Variants in CARD6 observed in about 807,000 individuals in gnomAD.
The protein encoded by CARD6 is caspase recruitment domain-containing protein 6.
Under a neutral mutation model 23.6 loss-of-function variants are expected in CARD6, and 27 were observed. The observed-to-expected ratio is 1.14, with a 90% CI of 0.84 to 1.58. CARD6 has a LOEUF of 1.58. Ranked by LOEUF, CARD6 falls within the 40% of genes most tolerant of loss-of-function variation. CARD6 has a pLI of 0.00. For missense variants in CARD6, 1,214 were observed against 1,209.9 expected, an observed-to-expected ratio of 1.00 and a Z score of -0.05; for synonymous variants, 397 against 431.8, an observed-to-expected ratio of 0.92 and a Z score of 1.00.
At chr5:40,847,500 T>TA (rs1745986135) in intron 2 of CARD6, among the ~76,000 whole-genome samples, 1 of 152,226 alleles carries the variant, frequency 6.6e-6, no homozygotes, top group African/African-American at 2.4e-5. Flanking sequence ...AAAATTTATT[T>TA]ATTTTTTCTC....
chr5:40,849,053 A>G (rs908569441), intron 2 of CARD6, among the ~76,000 whole-genome samples: 2 of 151,844 alleles, frequency 1.3e-5, no homozygotes, highest in Admixed American at 6.6e-5. Flanking sequence ...CAGGGCCACA[A>G]TCTTGGCTCA....
Position 40,841,427 on chromosome 5 carries a change from A to G in CARD6, c.45A>G (p.Arg15=). The G allele has an allele frequency of 6.2e-7, 1 of 1,612,824 alleles. No homozygotes were observed. Among genetic ancestry groups the G allele is most frequent in the Non-Finnish European group, 8.5e-7 (1 of 1,179,562 alleles). ...CCTCAGAGATCATAGAAAGAGAAAGAAAAAAGTTGCTTGAAATCCTTCAAC... is the reference window on the plus strand; with the variant it reads ...CCTCAGAGATCATAGAAAGAGAAAGGAAAAAGTTGCTTGAAATCCTTCAAC... ...STPSEIIERE[R]KKLLEILQHD... is the part of the protein sequence containing the mutation. The change falls in exon 1 of 3, where the codon AGA becomes AGG. Residue 15 remains arginine, a synonymous_variant. Transcript: ENST00000254691.
At position 40,853,986 on chromosome 5, in the gene CARD6, T is replaced by G; in HGVS notation, c.2654T>G (p.Leu885Arg). The G allele has an allele frequency of 1.2e-6, 2 of 1,614,182 alleles. No homozygotes were observed. The highest frequency in any genetic ancestry group is 3.3e-5 in the Admixed American group (2 of 60,026). Reference protein sequence around the residue: ...VTELTEATGKLIRTSHIGKPH... With the variant: ...VTELTEATGKRIRTSHIGKPH... ...GAGTTAACTGAAGCAACTGGAAAAC[T>G]GATAAGAACATCCCATATTGGAAAG... is the stretch of plus-strand genomic sequence containing the variant. The change falls in exon 3 of 3, where the codon CTG (leucine) becomes CGG (arginine). Residue 885 changes from leucine to arginine, a missense_variant. Transcript: ENST00000254691.
Position 40,853,415 on chromosome 5 carries a change from A to G in CARD6, c.2083A>G (p.Lys695Glu). 3.1e-6 allele frequency: 5 copies of G among 1,614,168 alleles called. No homozygotes were observed. Among genetic ancestry groups the G allele is most frequent in the Non-Finnish European group, 4.2e-6 (5 of 1,180,028 alleles). ...QRHSQLKSSS[K>E]SQALMPIQEP... is the part of the protein sequence containing the mutation. ...ACACAGTCAGCTAAAAAGCTCATCT[A>G]AAAGCCAGGCTCTAATGCCAATTCA... The change falls in exon 3 of 3, where the codon AAA becomes GAA. Residue 695 changes from lysine to glutamate, a missense_variant. Coordinates refer to ENST00000254691, the MANE Select transcript of CARD6 (RefSeq NM_032587.4).
At chr5:40,847,666 C>T (rs144708876) in intron 2 of CARD6, among the ~76,000 whole-genome samples, 19 of 152,198 alleles carry the variant, frequency 1.2e-4, no homozygotes, top group African/African-American at 4.6e-4. Flanking sequence ...TGTCTTTTAG[C>T]TTCCATTGTT....
intron 2 of CARD6, among the ~76,000 whole-genome samples, chr5:40,847,453 C>A (rs1450315891): frequency 6.6e-6 from 1 of 152,056 alleles, no homozygotes; most frequent in African/African-American, 2.4e-5. Flanking sequence ...TCCTGAAGAT[C>A]CAGGTTTTCA....
Position 40,853,346 on chromosome 5 carries a change from G to T in CARD6, c.2014G>T (p.Gly672Ter), listed in dbSNP as rs759521818. 6.2e-7 allele frequency: 1 copy of T among 1,614,158 alleles called. No individual in the cohort carries two copies. ...CACTCAGAGAATTCAAGTTTCCTCT[G>T]GAGAAAACATGGCTGGGACAGCTGA... ...ENTQRIQVSSGENMAGTAEGE... is the reference protein window; with the variant it reads ...ENTQRIQVSS Residue 672 changes from glycine to a stop codon, truncating the protein, a stop_gained, in exon 3 of 3, where the codon GGA becomes TGA. Transcript: ENST00000254691. LOFTEE classifies it low-confidence loss of function (END_TRUNC).
Position 40,841,510 on chromosome 5 carries a change from A to G in CARD6, c.128A>G (p.Glu43Gly). 1 of 1,614,132 alleles carries G rather than the reference A, an allele frequency of 6.2e-7. No homozygotes were observed. The highest frequency in any genetic ancestry group is 8.5e-7 in the Non-Finnish European group (1 of 1,180,004). ...TCTCGGAGGCTGATTTCTGAGGAAG[A>G]GTATGAGACTCTGGAGAATGTTACA... ...LTSRRLISEEEYETLENVTDL... is the reference protein window; with the variant it reads ...LTSRRLISEEGYETLENVTDL... The change falls in exon 1 of 3, where the codon GAG (glutamate) becomes GGG (glycine). Residue 43 changes from glutamate (E) to glycine (G), a missense_variant. By Grantham distance (98) the Glu-to-Gly change is moderately conservative (BLOSUM62 -2). Transcript: ENST00000254691.
chr5:40,844,801 G>A (rs1187956127), intron 2 of CARD6, among the ~76,000 whole-genome samples: 1 of 151,172 alleles, frequency 6.6e-6, no homozygotes, highest in East Asian at 1.9e-4. Context: ...CAGATTTCTT[G>A]TCTCACTCTT....
chr5:40,854,063 G>C lies in CARD6; in HGVS notation c.2731G>C (p.Ala911Pro). 5 of 1,614,138 alleles carry C rather than the reference G, an allele frequency of 3.1e-6. No homozygotes were observed. The highest frequency in any genetic ancestry group is 3.4e-6 in the Non-Finnish European group (4 of 1,180,028). The change falls in exon 3 of 3, where the codon GCT becomes CCT. Residue 911 changes from alanine (A) to proline (P), a missense_variant. By Grantham distance (27) the Ala-to-Pro change is conservative. Transcript: ENST00000254691. ...PAAATQKLRPASQQGVQMKTQ... is the reference protein window; with the variant it reads ...PAAATQKLRPPSQQGVQMKTQ... ...AGCAGCCACACAAAAACTAAGACCT[G>C]CTTCTCAGCAAGGAGTCCAGATGAA...
Position 40,843,566 on chromosome 5 carries a change from A to T in CARD6, c.698A>T (p.Tyr233Phe), listed in dbSNP as rs750214887. The change falls in exon 2 of 3, where the codon TAT (tyrosine) becomes TTT (phenylalanine). Residue 233 changes from tyrosine (Y) to phenylalanine (F), a missense_variant. By Grantham distance (22) the Tyr-to-Phe change is conservative. Transcript: ENST00000254691. ...DAEATVEEEVYDDPEHVGYDG... is the reference protein window; with the variant it reads ...DAEATVEEEVFDDPEHVGYDG... ...GAAGCCACTGTGGAAGAGGAGGTTT[A>T]TGATGACCCAGAGCACGTTGGATAT... 6.2e-7 allele frequency: 1 copy of T among 1,610,480 alleles called. No homozygotes were observed.
intron 2 of CARD6, among the ~76,000 whole-genome samples, chr5:40,849,372 C>A (rs1746019707): frequency 1.3e-5 from 2 of 152,088 alleles, no homozygotes; most frequent in Admixed American, 6.6e-5. Context: ...AAAAGCAGAA[C>A]TTAAAAGCTG....
chr5:40,852,572 A>G lies in CARD6; in HGVS notation c.1240A>G (p.Asn414Asp). The G allele has an allele frequency of 6.2e-7, 1 of 1,614,202 alleles. No homozygotes were observed. Among genetic ancestry groups the G allele is most frequent in the Non-Finnish European group, 8.5e-7 (1 of 1,180,034 alleles). ...TCCCCTGCTACTGCCAGATGCAGAA[A>G]ACAACAAAAGCATCTTAATGCTGGG... ...ALPLLLPDAE[N>D]NKSILMLGAM... is the part of the protein sequence containing the mutation. Residue 414 changes from asparagine to aspartate, a missense_variant, in exon 3 of 3, where the codon AAC (asparagine) becomes GAC (aspartate). Physicochemically the swap from Asn to Asp is conservative, Grantham distance 23. Transcript: ENST00000254691.
At chr5:40,847,700 T>C (rs982079752) in intron 2 of CARD6, among the ~76,000 whole-genome samples, 11 of 152,156 alleles carry the variant, frequency 7.2e-5, no homozygotes, top group African/African-American at 2.7e-4. Flanking sequence ...CTTCAGTCAT[T>C]TTATCATTGA....
chr5:40,850,325 A>C (rs1746040668), intron 2 of CARD6, among the ~76,000 whole-genome samples: 1 of 147,416 alleles, frequency 6.8e-6, no homozygotes, highest in African/African-American at 2.5e-5. Context: ...GAGGCAGGAG[A>C]ATCGCTTGAA....
Position 40,843,283 on chromosome 5 carries a change from C to T in CARD6, c.415C>T (p.His139Tyr). Residue 139 changes from histidine to tyrosine, a missense_variant, in exon 2 of 3, where the codon CAC becomes TAC. Transcript: ENST00000254691. ...CACAGTGTTCTTCAGTGAGAAGGAACACTTGGATTTGGAAACCTCTGAGTT... is the reference window on the plus strand; with the variant it reads ...CACAGTGTTCTTCAGTGAGAAGGAATACTTGGATTTGGAAACCTCTGAGTT... ...EITVFFSEKE[H>Y]LDLETSEFFR... 6.2e-7 allele frequency: 1 copy of T among 1,614,128 alleles called. No individual in the cohort carries two copies. The highest frequency in any genetic ancestry group is 8.5e-7 in the Non-Finnish European group (1 of 1,180,018).
chr5:40,853,125 G>A lies in CARD6; in HGVS notation c.1793G>A (p.Arg598Lys). The change falls in exon 3 of 3, where the codon AGG becomes AAG. Residue 598 changes from arginine (R) to lysine (K), a missense_variant. Arg to Lys is a conservative substitution (Grantham distance 26, BLOSUM62 2). Coordinates refer to ENST00000254691, the MANE Select transcript of CARD6 (RefSeq NM_032587.4). ...RESEEAQIFQRILNLKPAQLL... is the reference protein window; with the variant it reads ...RESEEAQIFQKILNLKPAQLL... ...AGTGAAGAGGCTCAAATTTTTCAGA[G>A]GATACTGAACTTGAAGCCAGCACAG... 6.2e-7 allele frequency: 1 copy of A among 1,614,144 alleles called. No homozygotes were observed. The highest frequency in any genetic ancestry group is 1.1e-5 in the South Asian group (1 of 91,086).
Position 40,852,930 on chromosome 5 carries a change from G to T in CARD6, c.1598G>T (p.Arg533Leu), listed in dbSNP as rs139247661. The change falls in exon 3 of 3, where the codon CGT becomes CTT. Residue 533 changes from arginine to leucine, a missense_variant. Transcript: ENST00000254691. ...AAGCCTGTTGCTCTGGCTAATCTCC[G>T]TGGAAATCTAGAAAGCTTTTGGACT... The part of the protein sequence containing the change: ...FQKPVALANL[R>L]GNLESFWTQF... 8 of 1,614,138 alleles carry T rather than the reference G, an allele frequency of 5.0e-6. No homozygotes were observed. The highest frequency in any genetic ancestry group is 6.8e-6 in the Non-Finnish European group (8 of 1,180,038).
At position 40,852,955 on chromosome 5, in the gene CARD6, TCA is replaced by T; in HGVS notation, c.1624_1625del (p.Gln542ValfsTer16). On this transcript the variant is annotated frameshift_variant, in exon 3 of 3. Coordinates refer to ENST00000254691, the MANE Select transcript of CARD6 (RefSeq NM_032587.4). LOFTEE classifies it low-confidence loss of function (END_TRUNC). ...GTGGAAATCTAGAAAGCTTTTGGACTCAGTTTGGTTTTTTGATGGAAGTTTCT... is the reference window on the plus strand; with the variant it reads ...GTGGAAATCTAGAAAGCTTTTGGACTGTTTGGTTTTTTGATGGAAGTTTCT... ...LRGNLESFWT[Q>X]FGFLMEVSSA... The T allele has an allele frequency of 6.2e-7, 1 of 1,614,224 alleles. No individual in the cohort carries two copies. Among genetic ancestry groups the T allele is most frequent in the Non-Finnish European group, 8.5e-7 (1 of 1,180,032 alleles).
Sources: gnomAD v4.1 joint callset for allele counts (sites outside exome capture counted in the v4.1 genomes callset) on GRCh38, gnomAD v4.1.1 for gene constraint, MANE v1.5 for transcripts, NCBI Gene and HGNC (gene_info 2026-07-23, HGNC 2026-07-21) for gene names.